Variants in RALA observed in about 807,000 individuals in gnomAD.
RALA encodes ras-related protein Ral-A.
RALA carries 5 observed loss-of-function variants against 24.0 expected under a neutral mutation model. That is an observed-to-expected ratio of 0.21 (90% CI 0.11 to 0.44). RALA has a LOEUF of 0.44. Ranked by LOEUF, RALA falls within the 20% of genes least tolerant of loss-of-function variation. The pLI is 0.99. For missense variants in RALA, 95 were observed against 241.2 expected (o/e 0.39, Z 4.01); for synonymous variants, 77 against 83.8 (o/e 0.92, Z 0.44).
At position 39,656,126 on chromosome 7, in the gene RALA, T is replaced by C. The variant is rs371654737; in HGVS notation, c.-37-30505T>C. On this transcript the variant is annotated intron_variant, in intron 1 of 4. Coordinates refer to ENST00000005257, the MANE Select transcript of RALA (RefSeq NM_005402.4). ...GGCAGAGTCAAAACCCCTATTCAGA[T>C]ATCTTAAATTTATTCCCAAGCCTTG... Among the ~76,000 whole-genome samples the C allele has an allele frequency of 5.9e-5, 9 of 152,336 alleles. No individual in the cohort carries two copies. In the East Asian group the frequency reaches 1.7e-3, roughly 29 times the overall value.
At chr7:39,675,720 G>A (rs1024405373) in intron 1 of RALA, among the ~76,000 whole-genome samples, 8 of 147,580 alleles carry the variant, frequency 5.4e-5, no homozygotes, top group African/African-American at 2.0e-4. Flanking sequence ...GCAACAGAGT[G>A]AGACCATGTC....
chr7:39,696,475 C>CTTT (rs1792923164), intron 3 of RALA, among the ~76,000 whole-genome samples: 1 of 152,102 alleles, frequency 6.6e-6, no homozygotes, highest in Non-Finnish European at 1.5e-5. Context: ...GATCCTGGAA[C>CTTT]AGAAAAAGGA....
intron 1 of RALA, among the ~76,000 whole-genome samples, chr7:39,661,695 A>C (rs1035170174): frequency 1.3e-5 from 2 of 152,192 alleles, no homozygotes; most frequent in Non-Finnish European, 2.9e-5. Flanking sequence ...GGCTGCTTTC[A>C]TGAACTGATG....
intron 1 of RALA, among the ~76,000 whole-genome samples, chr7:39,625,123 T>A (rs1791459324): frequency 6.6e-6 from 1 of 152,222 alleles, no homozygotes; most frequent in South Asian, 2.1e-4. Context: ...CTGCACTGAA[T>A]GAATGAGTGT....
intron 3 of RALA, among the ~76,000 whole-genome samples, chr7:39,691,776 A>C (rs1003738298): frequency 6.6e-6 from 1 of 152,230 alleles, no homozygotes. Flanking sequence ...ATATGATGAC[A>C]TGCAAGGGAT....
At chr7:39,669,805 CT>C (rs1244612704) in intron 1 of RALA, among the ~76,000 whole-genome samples, 2 of 110,076 alleles carry the variant, frequency 1.8e-5, no homozygotes, top group Non-Finnish European at 3.9e-5. Flanking sequence ...GACTCTGTCT[CT>C]TTAAAAAAAA....
intron 2 of RALA, among the ~76,000 whole-genome samples, chr7:39,688,767 G>T (rs1193532658): frequency 6.6e-6 from 1 of 152,012 alleles, no homozygotes; most frequent in Admixed American, 6.6e-5. Flanking sequence ...TAGCGACGGG[G>T]TGTATCCGTC....
chr7:39,680,380 A>AAAAAAAC (rs1554297568), intron 1 of RALA, among the ~76,000 whole-genome samples: 18 of 78,088 alleles, frequency 2.3e-4, no homozygotes, highest in South Asian at 1.3e-3. Context: ...CTGTCTCAAA[A>AAAAAAAC]AAAAACAAAA....
intron 3 of RALA, among the ~76,000 whole-genome samples, chr7:39,693,542 A>G (rs1792868255): frequency 6.6e-6 from 1 of 152,248 alleles, no homozygotes; most frequent in Non-Finnish European, 1.5e-5. Context: ...CGTTGTGCAC[A>G]TGTACCCTAC....
chr7:39,624,292 TTTGTTTTG>T (rs1186049354), intron 1 of RALA: 1 of 136,254 alleles, frequency 7.3e-6, no homozygotes, highest in Admixed American at 7.5e-5. Flanking sequence ...TTTTTGTTTG[TTTGTTTTG>T]TTTGTTTGTG....
chr7:39,690,337 T>G, intron 2 of RALA, 45 bp from the exon 3 acceptor site: 1 of 1,513,602 alleles, frequency 6.6e-7, no homozygotes, highest in Non-Finnish European at 9.0e-7. Flanking sequence ...AAATAAGTTT[T>G]GAAACGTAAT....
intron 4 of RALA, among the ~76,000 whole-genome samples, chr7:39,703,661 A>G (rs1006729366): frequency 2.0e-5 from 3 of 152,210 alleles, no homozygotes; most frequent in Non-Finnish European, 4.4e-5. Flanking sequence ...GAATAGTTCT[A>G]GGAAATAGGT....
intron 2 of RALA, among the ~76,000 whole-genome samples, chr7:39,687,550 A>C (rs1383591642): frequency 3.3e-5 from 5 of 152,236 alleles, no homozygotes. Flanking sequence ...CACACAGGTT[A>C]CAGATTTGTA....
At chr7:39,697,709 A>G (rs1163749989) in intron 4 of RALA, among the ~76,000 whole-genome samples, 1 of 152,178 alleles carries the variant, frequency 6.6e-6, no homozygotes, top group Non-Finnish European at 1.5e-5. Context: ...TGATTCTAGC[A>G]AGTGCTGCAT....
rs762534115 is a variant in RALA at position 39,700,823 on chromosome 7, A to G, written c.498+3964A>G. 16 of 152,354 alleles carry G rather than the reference A, an allele frequency of 1.1e-4. 1 individual carries two copies. Among genetic ancestry groups the G allele is most frequent in the Non-Finnish European group, 1.3e-4 (9 of 68,044 alleles). The allele number at this position is 152,354 out of a possible 1,614,324, so 9.4% of individuals were successfully genotyped here. On this transcript the variant is annotated intron_variant, in intron 4 of 4. Coordinates refer to ENST00000005257, the MANE Select transcript of RALA (RefSeq NM_005402.4). ...GAGGTGCAAATCCATACTGAAGACT[A>G]TAATTTCATGTACTGCTACATCCTG... is the stretch of plus-strand genomic sequence containing the variant.
chr7:39,695,890 A>G (rs1457913082), intron 3 of RALA, among the ~76,000 whole-genome samples: 1 of 152,220 alleles, frequency 6.6e-6, no homozygotes, highest in Non-Finnish European at 1.5e-5. Flanking sequence ...GATTTTACAA[A>G]AAAACATTTC....
chr7:39,679,410 C>G (rs1327919758), intron 1 of RALA, among the ~76,000 whole-genome samples: 2 of 152,130 alleles, frequency 1.3e-5, no homozygotes, highest in Non-Finnish European at 2.9e-5. Flanking sequence ...CTGGCCCTTG[C>G]AAACATACAG....
rs1377439099 is a variant in RALA at position 39,690,531 on chromosome 7, G to T, written c.264G>T (p.Gly88=). The change falls in exon 3 of 5, where the codon GGG becomes GGT. Residue 88 remains glycine (G), a synonymous_variant. Transcript: ENST00000005257. ...IRDNYFRSGE[G]FLCVFSITEM... ...ACAACTACTTCCGAAGTGGGGAGGG[G>T]TTCCTCTGTGTTTTCTCTATTACAG... The T allele has an allele frequency of 1.2e-6, 2 of 1,613,994 alleles. No individual in the cohort carries two copies. Among genetic ancestry groups the T allele is most frequent in the Admixed American group, 1.7e-5 (1 of 60,016 alleles).
At chr7:39,699,118 G>GTTTTTTTTTTTTTTTTTTTTTTT in intron 4 of RALA, among the ~76,000 whole-genome samples, 1 of 84,148 alleles carries the variant, frequency 1.2e-5, no homozygotes, top group Middle Eastern at 6.9e-3. Flanking sequence ...TGCTAAAAAT[G>GTTTTTTTTTTTTTTTTTTTTTTT]TTATTTTTTT....
Sources: allele counts gnomAD v4.1 joint callset (sites outside exome capture counted in the v4.1 genomes callset), GRCh38; gene constraint gnomAD v4.1.1; transcripts MANE v1.5; gene names NCBI Gene and HGNC (gene_info 2026-07-23, HGNC 2026-07-21).